The following CRYBG3 variants were observed in gnomAD, a reference collection of about 807,000 sequenced individuals.
CRYBG3 encodes crystallin beta-gamma domain containing 3.
A neutral mutation model predicts 244.2 loss-of-function variants in CRYBG3; 127 were observed. The observed-to-expected ratio is 0.52, with a 90% CI of 0.45 to 0.60. The LOEUF is 0.60. CRYBG3 is among the 20% of genes least tolerant of loss of function. The probability of loss-of-function intolerance (pLI) is 0.00; values close to 1 mark genes in which losing one functional copy is unlikely to be tolerated. For missense variants in CRYBG3, 3,325 were observed against 3,442.5 expected, an observed-to-expected ratio of 0.97 and a Z score of 0.85; for synonymous variants, 1,132 against 1,195.8, an observed-to-expected ratio of 0.95 and a Z score of 1.10.
Position 97,877,054 on chromosome 3 carries a change from C to G in CRYBG3, c.5860C>G (p.Pro1954Ala), listed in dbSNP as rs769273890. ...AGCCCCAGCAATGCCAGATTTTCAA[C>G]CTGGGGATACCACAGTAAGACTAGA... is the stretch of plus-strand genomic sequence containing the variant. ...YPAPAMPDFQ[P>A]GDTTVRLDKR... The change falls in exon 4 of 22, where the codon CCT becomes GCT. Residue 1954 changes from proline (P) to alanine (A), a missense_variant. Around this residue, in one of 4 missense-constraint regions of CRYBG3, gnomAD observed 450 missense variants for 424.1 expected, o/e 1.06. Transcript: ENST00000389622. The G allele has an allele frequency of 6.3e-7, 1 of 1,592,986 alleles. No homozygotes were observed. The highest frequency in any genetic ancestry group is 1.3e-5 in the African/African-American group (1 of 74,202).
chr3:97,843,552 A>T (rs536350939), intron 2 of CRYBG3, among the ~76,000 whole-genome samples: 2 of 152,178 alleles, frequency 1.3e-5, no homozygotes, highest in Non-Finnish European at 2.9e-5. Context: ...GTCTTTGCTA[A>T]TCTGTAAGTC....
At chr3:97,920,275 A>G (rs1575966346) in intron 17 of CRYBG3, among the ~76,000 whole-genome samples, 2 of 152,294 alleles carry the variant, frequency 1.3e-5, no homozygotes, top group Admixed American at 1.3e-4. Flanking sequence ...TCTCAAGTGT[A>G]GATGTTTCTC....
chr3:97,879,643 G>T, intron 4 of CRYBG3, 61 bp from the exon 5 acceptor site: 2 of 1,189,834 alleles, frequency 1.7e-6, no homozygotes, highest in South Asian at 2.8e-5. Flanking sequence ...CTAAGAAAAT[G>T]AATTATGCAT....
chr3:97,826,656 A>C (rs528743930), intron 1 of CRYBG3, among the ~76,000 whole-genome samples: 1 of 152,366 alleles, frequency 6.6e-6, no homozygotes, highest in Non-Finnish European at 1.5e-5. Flanking sequence ...AGCATGAAGT[A>C]AAAGTTAAGG....
intron 17 of CRYBG3, among the ~76,000 whole-genome samples, chr3:97,917,846 T>C (rs530697610): frequency 2.0e-5 from 3 of 152,260 alleles, no homozygotes; most frequent in South Asian, 4.1e-4. Flanking sequence ...AGAGTCCTTT[T>C]ACTCTCTAGG....
intron 7 of CRYBG3, among the ~76,000 whole-genome samples, chr3:97,883,888 A>G (rs1559732456): frequency 6.6e-6 from 1 of 152,130 alleles, no homozygotes; most frequent in African/African-American, 2.4e-5. Flanking sequence ...TTCTATGCCA[A>G]CTTTATCTTG....
intron 1 of CRYBG3, among the ~76,000 whole-genome samples, chr3:97,842,664 T>A (rs1370197645): frequency 5.3e-5 from 8 of 152,168 alleles, no homozygotes; most frequent in African/African-American, 1.9e-4. Context: ...AGTAACTATT[T>A]GGGAAATCAG....
chr3:97,863,867 C>T (rs924457934), intron 2 of CRYBG3, among the ~76,000 whole-genome samples: 1 of 152,142 alleles, frequency 6.6e-6, no homozygotes. Flanking sequence ...CATGCATGAG[C>T]ATCACATAGT....
At position 97,874,342 on chromosome 3, in the gene CRYBG3, A is replaced by G. The variant is rs144603479; in HGVS notation, c.3148A>G (p.Ile1050Val). The G allele has an allele frequency of 1.8e-4, 272 of 1,526,818 alleles. 1 individual carries two copies. The African/African-American group carries it at 3.3e-3, about 18-fold the overall frequency. 94.6% of individuals were successfully genotyped at this position (1,526,818 alleles called of 1,614,324 possible). Residue 1050 changes from isoleucine to valine, a missense_variant, in exon 4 of 22, where the codon ATC (isoleucine) becomes GTC (valine). By Grantham distance (29) the Ile-to-Val change is conservative (BLOSUM62 3). Around this residue, in one of 4 missense-constraint regions of CRYBG3, gnomAD observed 1,526 missense variants for 1,443.2 expected, o/e 1.06. Transcript: ENST00000389622. ...CTCATCTTACAGAAAGAAAGAGAAC[A>G]TCCATTTTTTAAATGGTGGTATTGA... ...KSSSYRKKEN[I>V]HFLNGGIDSV...
chr3:97,860,805 G>T (rs982989244), intron 2 of CRYBG3, among the ~76,000 whole-genome samples: 2 of 151,970 alleles, frequency 1.3e-5, no homozygotes, highest in Non-Finnish European at 2.9e-5. Context: ...CATTGTTTTT[G>T]ACTTGTAATC....
In CRYBG3 at chr3:97,873,733, G is replaced by A; in HGVS notation, c.2539G>A (p.Glu847Lys). Residue 847 changes from glutamate (E) to lysine (K), a missense_variant, in exon 4 of 22, where the codon GAG becomes AAG. Glu to Lys is a moderately conservative substitution (Grantham distance 56). Coordinates refer to ENST00000389622, the MANE Select transcript of CRYBG3 (RefSeq NM_153605.4). ...SLSKVSLSKVEPRNISQDKMS... is the reference protein window; with the variant it reads ...SLSKVSLSKVKPRNISQDKMS... Reference sequence around the variant, plus strand: ...GTCCAAGGTATCTCTTTCAAAAGTGGAGCCCAGAAACATTTCTCAGGATAA... The same window carrying A: ...GTCCAAGGTATCTCTTTCAAAAGTGAAGCCCAGAAACATTTCTCAGGATAA... 6.5e-7 allele frequency: 1 copy of A among 1,535,778 alleles called. No homozygotes were observed. Among genetic ancestry groups the A allele is most frequent in the South Asian group, 1.2e-5 (1 of 83,986 alleles).
intron 11 of CRYBG3, among the ~76,000 whole-genome samples, chr3:97,894,988 T>C (rs2039623862): frequency 6.6e-6 from 1 of 152,122 alleles, no homozygotes; most frequent in Non-Finnish European, 1.5e-5. Context: ...ATGAAAACAA[T>C]TATTTGGAAT....
At position 97,875,212 on chromosome 3, in the gene CRYBG3, ACT is replaced by A. The variant is rs2039356508; in HGVS notation, c.4019_4020del (p.Thr1340IlefsTer7). ...TTGGGATTCTGAACTTCAGGCTAAT[ACT>A]TCAAAAATTCTGAACAGTGATAGTG... ...DTWDSELQAN[T>X]SKILNSDSVK... On this transcript the variant is annotated frameshift_variant, in exon 4 of 22. Transcript: ENST00000389622. LOFTEE classifies it high-confidence loss of function. The A allele has an allele frequency of 6.5e-7, 1 of 1,533,144 alleles. No individual in the cohort carries two copies. Among genetic ancestry groups the A allele is most frequent in the Non-Finnish European group, 8.7e-7 (1 of 1,145,978 alleles). 95.0% of individuals were successfully genotyped at this position (1,533,144 alleles called of 1,614,324 possible).
At chr3:97,902,258 A>G (rs1233197112) in intron 15 of CRYBG3, among the ~76,000 whole-genome samples, 1 of 152,098 alleles carries the variant, frequency 6.6e-6, no homozygotes, top group Non-Finnish European at 1.5e-5. Context: ...TTTTAAAGGG[A>G]ACCTCAAGCA....
intron 1 of CRYBG3, among the ~76,000 whole-genome samples, chr3:97,842,230 G>T (rs1312896412): frequency 4.6e-5 from 7 of 152,112 alleles, no homozygotes; most frequent in Admixed American, 3.9e-4. Flanking sequence ...TATTATGAAA[G>T]TATGAAAACA....
At position 97,877,110 on chromosome 3, in the gene CRYBG3, C is replaced by T. The variant is rs1299790587; in HGVS notation, c.5916C>T (p.Asp1972=). 2 of 1,613,268 alleles carry T rather than the reference C, an allele frequency of 1.2e-6. No individual in the cohort carries two copies. Among genetic ancestry groups the T allele is most frequent in the Non-Finnish European group, 1.7e-6 (2 of 1,179,504 alleles). The part of the protein sequence containing the change: ...DKRMSLTAIY[D]KRRETDYSDK... ...GAATGTCTCTTACTGCAATATATGA[C>T]AAGAGGAGAGAGACAGATTATAGTG... Residue 1972 remains aspartate, a synonymous_variant, in exon 4 of 22, where the codon GAC becomes GAT. Coordinates refer to ENST00000389622, the MANE Select transcript of CRYBG3 (RefSeq NM_153605.4).
At chr3:97,905,175 G>A (rs2039756846) in intron 15 of CRYBG3, among the ~76,000 whole-genome samples, 1 of 151,908 alleles carries the variant, frequency 6.6e-6, no homozygotes, top group African/African-American at 2.4e-5. Context: ...CCAAGTCTTT[G>A]CTATTGTGAA....
Position 97,936,919 on chromosome 3 carries a change from A to T in CRYBG3, c.8505+11A>T. Reference sequence around the variant, plus strand: ...CGTCCTATGAAGCAGGTAAGGAGAAAAGAACCATAAGATTCCAAATAGCTT... The same window carrying T: ...CGTCCTATGAAGCAGGTAAGGAGAATAGAACCATAAGATTCCAAATAGCTT... On this transcript the variant is annotated intron_variant, in intron 19 of 21. Coordinates refer to ENST00000389622, the MANE Select transcript of CRYBG3 (RefSeq NM_153605.4). The T allele has an allele frequency of 6.2e-7, 1 of 1,607,872 alleles. No homozygotes were observed. The highest frequency in any genetic ancestry group is 8.5e-7 in the Non-Finnish European group (1 of 1,177,874).
chr3:97,823,085 T>A (rs2038528869), intron 1 of CRYBG3, among the ~76,000 whole-genome samples: 1 of 152,190 alleles, frequency 6.6e-6, no homozygotes, highest in Non-Finnish European at 1.5e-5. Flanking sequence ...AAATGTACCC[T>A]TTCTCTGTAA....
Sources: gnomAD v4.1 joint callset for allele counts (sites outside exome capture counted in the v4.1 genomes callset) on GRCh38, gnomAD v4.1.1 for gene constraint, gnomAD v4.1.1 regional missense constraint, MANE v1.5 for transcripts, NCBI Gene and HGNC (gene_info 2026-07-23, HGNC 2026-07-21) for gene names.